Variants in NAALADL2 observed in about 807,000 individuals in gnomAD.
The protein encoded by NAALADL2 is inactive N-acetylated-alpha-linked acidic dipeptidase-like protein 2.
Under a neutral mutation model 87.2 loss-of-function variants are expected in NAALADL2, and 76 were observed. The observed-to-expected ratio is 0.87, with a 90% confidence interval of 0.72 to 1.05. NAALADL2 has a LOEUF of 1.05. NAALADL2 is among the 50% of genes least tolerant of loss of function. The pLI, the probability that NAALADL2 is intolerant of heterozygous loss-of-function variation, is 0.00. For missense variants in NAALADL2, 1,089 were observed against 945.8 expected (o/e 1.15, Z -1.99); for synonymous variants, 354 against 331.0 (o/e 1.07, Z -0.75).
At chr3:174,746,793 A>G (rs991662676) in intron 3 of NAALADL2, among the ~76,000 whole-genome samples, 4 of 152,196 alleles carry the variant, frequency 2.6e-5, no homozygotes, top group Non-Finnish European at 5.9e-5. Flanking sequence ...CAACCCTTTG[A>G]TCTTTGACAA....
At chr3:175,721,680 A>G (rs1742254543) in intron 11 of NAALADL2, among the ~76,000 whole-genome samples, 1 of 152,118 alleles carries the variant, frequency 6.6e-6, no homozygotes, top group South Asian at 2.1e-4. Flanking sequence ...AAATCAATAC[A>G]TCTACTATCA....
At chr3:175,471,245 GGAGGCT>G (rs1560606474) in intron 8 of NAALADL2, among the ~76,000 whole-genome samples, 1 of 151,794 alleles carries the variant, frequency 6.6e-6, no homozygotes, top group African/African-American at 2.4e-5. Flanking sequence ...CAGCACTTTG[GGAGGCT>G]GAGGCTGGCA....
intron 2 of NAALADL2, among the ~76,000 whole-genome samples, chr3:175,145,684 T>C (rs1360826639): frequency 1.5e-5 from 1 of 64,840 alleles, no homozygotes; most frequent in Admixed American, 1.5e-4. Flanking sequence ...CTTCTGTGTA[T>C]TTTTTTTTAC....
At chr3:175,413,775 G>A (rs1317567541) in intron 5 of NAALADL2, among the ~76,000 whole-genome samples, 7 of 151,466 alleles carry the variant, frequency 4.6e-5, no homozygotes, top group Non-Finnish European at 8.8e-5. Context: ...TAAAACATAG[G>A]GAGAAGCAAA....
intron 5 of NAALADL2, chr3:175,369,534 T>C (rs1206189785): frequency 6.6e-6 from 1 of 152,298 alleles, no homozygotes; most frequent in Non-Finnish European, 1.5e-5. Flanking sequence ...TGTATGTGTA[T>C]ATATACATGC....
At chr3:175,124,154 G>A (rs9290535) in intron 2 of NAALADL2, among the ~76,000 whole-genome samples, 91,801 of 151,712 alleles carry the variant, frequency 0.61, 28,289 homozygotes, top group African/African-American at 0.73. Context: ...GGTCTCTGCC[G>A]CTTTTCGTGA....
rs11299677 is a variant in NAALADL2 at position 175,572,900 on chromosome 3, G to GA, written c.1654-3127dup. On this transcript the variant is annotated intron_variant, in intron 9 of 13. Coordinates refer to ENST00000454872, the MANE Select transcript of NAALADL2 (RefSeq NM_207015.3). ...TAGCAACATAGTGAGACTCTATCTT[G>GA]AAAAAAAAAAAAAATTGCAAGGATT... Among the ~76,000 whole-genome samples, 959 of 147,152 alleles carry GA rather than the reference G, an allele frequency of 6.5e-3. 11 individuals are homozygous for GA. Among genetic ancestry groups the GA allele is most frequent in the African/African-American group, 0.023 (901 of 39,672 alleles).
At chr3:175,709,112 G>A (rs975194233) in intron 11 of NAALADL2, among the ~76,000 whole-genome samples, 14 of 152,060 alleles carry the variant, frequency 9.2e-5, no homozygotes, top group African/African-American at 3.1e-4. Flanking sequence ...AGTTCTACAG[G>A]GGCCATCGTA....
chr3:174,812,809 A>C (rs1720364753), intron 3 of NAALADL2, among the ~76,000 whole-genome samples: 1 of 152,146 alleles, frequency 6.6e-6, no homozygotes, highest in Non-Finnish European at 1.5e-5. Flanking sequence ...AAGGCAATTA[A>C]AAATTTTAAA....
intron 3 of NAALADL2, among the ~76,000 whole-genome samples, chr3:174,853,534 G>T (rs1269176561): frequency 7.2e-5 from 11 of 151,906 alleles, no homozygotes; most frequent in Non-Finnish European, 2.9e-5. Flanking sequence ...GTAGACAAAT[G>T]GGATCACACC....
At chr3:175,661,827 C>T (rs745344352) in intron 11 of NAALADL2, among the ~76,000 whole-genome samples, 1 of 151,950 alleles carries the variant, frequency 6.6e-6, no homozygotes, top group Non-Finnish European at 1.5e-5. Context: ...TATCTGGGTT[C>T]TCTATGCTGT....
chr3:175,677,618 C>T (rs1420077007), intron 11 of NAALADL2, among the ~76,000 whole-genome samples: 1 of 151,704 alleles, frequency 6.6e-6, no homozygotes, highest in Non-Finnish European at 1.5e-5. Context: ...TTTTCAACCC[C>T]CTCCAGGGAC....
intron 3 of NAALADL2, among the ~76,000 whole-genome samples, chr3:174,809,769 C>A (rs764650380): frequency 2.0e-5 from 3 of 152,090 alleles, no homozygotes; most frequent in Non-Finnish European, 4.4e-5. Context: ...TTATTTGTAT[C>A]TGTATTCCTA....
At chr3:174,876,874 A>C (rs1728571143) in intron 1 of NAALADL2, among the ~76,000 whole-genome samples, 1 of 149,802 alleles carries the variant, frequency 6.7e-6, no homozygotes, top group Admixed American at 6.6e-5. Context: ...TTTATTTTCC[A>C]CCATTCTGGA....
chr3:174,969,301 C>T (rs1019982973), intron 1 of NAALADL2, among the ~76,000 whole-genome samples: 6 of 152,140 alleles, frequency 3.9e-5, no homozygotes, highest in African/African-American at 1.4e-4. Context: ...AGCGTACTTT[C>T]CTGTTATACA....
intron 7 of NAALADL2, among the ~76,000 whole-genome samples, chr3:175,464,643 T>C (rs978999799): frequency 6.6e-6 from 1 of 152,178 alleles, no homozygotes; most frequent in African/African-American, 2.4e-5. Context: ...TTCTTTTCCA[T>C]GACTTTAGTA....
intron 3 of NAALADL2, among the ~76,000 whole-genome samples, chr3:175,246,248 A>G (rs1051382590): frequency 2.6e-5 from 4 of 152,208 alleles, no homozygotes; most frequent in Non-Finnish European, 5.9e-5. Context: ...AGCTAGATTT[A>G]TATATGATAG....
At chr3:174,905,557 A>T (rs1732862392) in intron 1 of NAALADL2, among the ~76,000 whole-genome samples, 1 of 152,038 alleles carries the variant, frequency 6.6e-6, no homozygotes, top group Non-Finnish European at 1.5e-5. Flanking sequence ...GGCAAGTAAA[A>T]CTTTAAAAAT....
chr3:175,565,234 C>T (rs1029427702), intron 9 of NAALADL2, among the ~76,000 whole-genome samples: 3 of 152,090 alleles, frequency 2.0e-5, no homozygotes, highest in Non-Finnish European at 2.9e-5. Context: ...GATAACAAAA[C>T]TTTTAGTCTG....
Sources: gnomAD v4.1 joint callset for allele counts (sites outside exome capture counted in the v4.1 genomes callset) on GRCh38, gnomAD v4.1.1 for gene constraint, MANE v1.5 for transcripts, NCBI Gene and HGNC (gene_info 2026-07-23, HGNC 2026-07-21) for gene names.